The following GRM7 variants were observed in gnomAD, a reference collection of about 807,000 sequenced individuals.
GRM7 encodes metabotropic glutamate receptor 7.
In GRM7, 35 loss-of-function variants were observed where a neutral mutation model predicts 84.5. The observed-to-expected ratio is 0.41, with a 90% CI of 0.32 to 0.55. GRM7 has a LOEUF of 0.55. Ranked by LOEUF, GRM7 falls within the 20% of genes least tolerant of loss-of-function variation. The probability of loss-of-function intolerance (pLI) is 0.19; values close to 1 mark genes in which losing one functional copy is unlikely to be tolerated. For missense variants in GRM7, 1,003 were observed against 1,194.6 expected, an observed-to-expected ratio of 0.84 and a Z score of 2.36; for synonymous variants, 487 against 455.1, an observed-to-expected ratio of 1.07 and a Z score of -0.89.
At chr3:7,178,941 A>AT (rs1268130402) in intron 2 of GRM7, among the ~76,000 whole-genome samples, 1 of 82,658 alleles carries the variant, frequency 1.2e-5, no homozygotes, top group Non-Finnish European at 2.6e-5. Context: ...ATACAAAAAA[A>AT]TACAAAAAAA....
intron 8 of GRM7, among the ~76,000 whole-genome samples, chr3:7,644,401 G>A (rs1698527400): frequency 6.6e-6 from 1 of 150,936 alleles, no homozygotes; most frequent in African/African-American, 2.5e-5. Context: ...GAAATAGTTA[G>A]TTTTAACGGC....
chr3:7,606,333 A>G (rs1169911225), intron 8 of GRM7, among the ~76,000 whole-genome samples: 1 of 152,154 alleles, frequency 6.6e-6, no homozygotes, highest in Non-Finnish European at 1.5e-5. Context: ...AGATAGTTTT[A>G]GGTGTAACAG....
intron 2 of GRM7, among the ~76,000 whole-genome samples, chr3:7,263,159 AC>A (rs1227208105): frequency 1.8e-4 from 27 of 152,194 alleles, no homozygotes; most frequent in African/African-American, 5.8e-4. Context: ...GATTCGGTCA[AC>A]TGGCTTTGTT....
At chr3:6,882,613 A>G (rs1219696226) in intron 1 of GRM7, among the ~76,000 whole-genome samples, 1 of 152,234 alleles carries the variant, frequency 6.6e-6, no homozygotes, top group Non-Finnish European at 1.5e-5. Context: ...AATGATCTTC[A>G]TAACATTCTT....
At chr3:7,176,581 C>G (rs574852372) in intron 2 of GRM7, among the ~76,000 whole-genome samples, 1 of 152,148 alleles carries the variant, frequency 6.6e-6, no homozygotes, top group Non-Finnish European at 1.5e-5. Flanking sequence ...AAAGAGTTGG[C>G]ATATATTAAG....
At chr3:6,932,439 G>A (rs916596576) in intron 1 of GRM7, among the ~76,000 whole-genome samples, 2 of 152,068 alleles carry the variant, frequency 1.3e-5, no homozygotes, top group South Asian at 2.1e-4. Flanking sequence ...AATGGCCCAA[G>A]CATTTCTTAT....
At chr3:7,294,010 T>C (rs1194824170) in intron 2 of GRM7, among the ~76,000 whole-genome samples, 2 of 152,236 alleles carry the variant, frequency 1.3e-5, no homozygotes, top group East Asian at 3.8e-4. Context: ...ACATTTTAGC[T>C]TTATGAACAG....
intron 7 of GRM7, among the ~76,000 whole-genome samples, chr3:7,550,413 T>TCC (rs1210112187): frequency 5.0e-5 from 7 of 138,746 alleles, no homozygotes; most frequent in African/African-American, 2.1e-4. Context: ...TTTCTCTCTC[T>TCC]CTCCCTCCCT....
At chr3:7,729,869 CTTTTTTT>C (rs1168461157) in intron 9 of GRM7, among the ~76,000 whole-genome samples, 1 of 69,962 alleles carries the variant, frequency 1.4e-5, no homozygotes, top group Non-Finnish European at 2.4e-5. Flanking sequence ...CCACCTCCGG[CTTTTTTT>C]TTTTTTTTTT....
At chr3:7,033,257 C>T (rs1696252630) in intron 1 of GRM7, among the ~76,000 whole-genome samples, 1 of 152,080 alleles carries the variant, frequency 6.6e-6, no homozygotes, top group Non-Finnish European at 1.5e-5. Context: ...AGTATAACCT[C>T]ATCATAACGG....
At chr3:7,509,520 A>C (rs1700135493) in intron 7 of GRM7, among the ~76,000 whole-genome samples, 1 of 152,182 alleles carries the variant, frequency 6.6e-6, no homozygotes, top group Non-Finnish European at 1.5e-5. Context: ...CATCCTCTGC[A>C]GATATATGTA....
intron 1 of GRM7, among the ~76,000 whole-genome samples, chr3:7,092,525 A>C (rs550116918): frequency 6.6e-6 from 1 of 151,810 alleles, no homozygotes; most frequent in African/African-American, 2.4e-5. Context: ...GCTTACTGAC[A>C]GTGAGTATTC....
chr3:7,221,024 G>C (rs1285919372), intron 2 of GRM7, among the ~76,000 whole-genome samples: 1 of 150,288 alleles, frequency 6.7e-6, no homozygotes, highest in African/African-American at 2.5e-5. Context: ...TGGAGCCCAG[G>C]ACACGGAGGT....
intron 1 of GRM7, among the ~76,000 whole-genome samples, chr3:7,058,279 C>T (rs557582725): frequency 2.0e-4 from 30 of 151,926 alleles, no homozygotes; most frequent in African/African-American, 7.2e-4. Context: ...AAGTCTCAAA[C>T]AAATATTTTT....
chr3:7,162,686 G>A (rs1399933556), intron 2 of GRM7, among the ~76,000 whole-genome samples: 1 of 110,162 alleles, frequency 9.1e-6, no homozygotes, highest in Non-Finnish European at 1.9e-5. Context: ...GAGGATGTTT[G>A]TTTTCTGCAT....
At chr3:7,323,840 C>T (rs1227598956) in intron 4 of GRM7, among the ~76,000 whole-genome samples, 1 of 152,098 alleles carries the variant, frequency 6.6e-6, no homozygotes, top group Non-Finnish European at 1.5e-5. Flanking sequence ...GAAATGTAAT[C>T]TTGAAAGTAA....
intron 1 of GRM7, among the ~76,000 whole-genome samples, chr3:7,086,086 G>T (rs965054095): frequency 6.6e-6 from 1 of 152,028 alleles, no homozygotes; most frequent in Non-Finnish European, 1.5e-5. Flanking sequence ...ATACTAATAT[G>T]TCTAATGATT....
At chr3:7,651,144 A>G (rs1265950025) in intron 8 of GRM7, among the ~76,000 whole-genome samples, 1 of 152,224 alleles carries the variant, frequency 6.6e-6, no homozygotes, top group Non-Finnish European at 1.5e-5. Context: ...CAGGGACCCA[A>G]AGGGTTTCTT....
At chr3:7,259,953 G>GTTCTTTTTTTTTTTTTT (rs1553638860) in intron 2 of GRM7, among the ~76,000 whole-genome samples, 1 of 89,668 alleles carries the variant, frequency 1.1e-5, no homozygotes, top group African/African-American at 5.9e-5. Context: ...ACCAGCATCT[G>GTTCTTTTTTTTTTTTTT]TTTTTTTTTT....
Sources: allele counts gnomAD v4.1 joint callset (sites outside exome capture counted in the v4.1 genomes callset), GRCh38; gene constraint gnomAD v4.1.1; transcripts MANE v1.5; gene names NCBI Gene and HGNC (gene_info 2026-07-23, HGNC 2026-07-21).